IQCM: variants seen among roughly 807,000 people sequenced by gnomAD.
The protein encoded by IQCM is IQ domain-containing protein M.
Under a neutral mutation model 57.6 loss-of-function variants are expected in IQCM, and 45 were observed. The ratio of observed to expected loss-of-function variants is 0.78; its 90% CI spans 0.62 to 1.00. The LOEUF is 1.00. Among genes scored for constraint, IQCM ranks in the 50% least tolerant of loss-of-function variants. The pLI, the probability that IQCM is intolerant of heterozygous loss-of-function variation, is 0.00. For missense variants in IQCM, 468 were observed against 511.6 expected, an observed-to-expected ratio of 0.91 and a Z score of 0.82; for synonymous variants, 148 against 158.9, an observed-to-expected ratio of 0.93 and a Z score of 0.51.
In IQCM at chr4:149,686,465, T is replaced by C; in HGVS notation, c.389A>G (p.Gln130Arg). 1 of 1,217,584 alleles carries C rather than the reference T, an allele frequency of 8.2e-7. No individual in the cohort carries two copies. The allele number at this position is 1,217,584 out of a possible 1,614,324, so 75.4% of individuals were successfully genotyped here. A position where few individuals can be genotyped will look rare whatever the true frequency, so the allele number is the denominator to read the frequency against. The change falls in exon 6 of 14, where the codon CAA becomes CGA. Residue 130 changes from glutamine to arginine, a missense_variant. Gln to Arg is a conservative substitution (Grantham distance 43). Coordinates refer to ENST00000636793, the MANE Select transcript of IQCM (RefSeq NM_001363507.2). Reference sequence around the variant, plus strand: ...AGTCATGATTTTATCCAATTTAACTTGTCCTGAAATTTTGTTAAAGTTTTA... The same window carrying C: ...AGTCATGATTTTATCCAATTTAACTCGTCCTGAAATTTTGTTAAAGTTTTA... ...CRPIDLITKG[Q>R]VKLDKIMTII...
intron 13 of IQCM, among the ~76,000 whole-genome samples, chr4:149,408,244 T>C (rs1733120827): frequency 6.6e-6 from 1 of 152,146 alleles, no homozygotes; most frequent in Non-Finnish European, 1.5e-5. Flanking sequence ...TATTGTGACA[T>C]ATGGAGTAAT....
At chr4:149,484,996 T>C in intron 12 of IQCM, among the ~76,000 whole-genome samples, 1 of 152,054 alleles carries the variant, frequency 6.6e-6, no homozygotes, top group Non-Finnish European at 1.5e-5. Context: ...TTGTTTCTGT[T>C]TTTCTTTCTA....
chr4:149,404,228 A>C (rs1732821332), intron 13 of IQCM, among the ~76,000 whole-genome samples: 2 of 152,056 alleles, frequency 1.3e-5, no homozygotes, highest in African/African-American at 2.4e-5. Context: ...CTGAGTAGAT[A>C]GAGGCAACCC....
intron 12 of IQCM, among the ~76,000 whole-genome samples, chr4:149,517,184 G>A (rs1429388484): frequency 6.6e-6 from 1 of 150,934 alleles, no homozygotes. Flanking sequence ...ATACAGAATG[G>A]GTAGTAGAAG....
intron 7 of IQCM, among the ~76,000 whole-genome samples, chr4:149,642,664 C>T (rs922776371): frequency 6.6e-6 from 1 of 152,044 alleles, no homozygotes; most frequent in South Asian, 2.1e-4. Flanking sequence ...GTTTAAAGTA[C>T]GTTTTAGAAC....
At chr4:149,429,979 C>A in intron 13 of IQCM, 1 of 1,225,360 alleles carries the variant, frequency 8.2e-7, no homozygotes, top group Non-Finnish European at 1.0e-6. Context: ...AGACTCTAAA[C>A]AACAAACACA....
At chr4:149,437,887 C>A (rs1289819031) in intron 12 of IQCM, among the ~76,000 whole-genome samples, 1 of 152,066 alleles carries the variant, frequency 6.6e-6, no homozygotes, top group Non-Finnish European at 1.5e-5. Context: ...TTACATTGAA[C>A]CCTGGAGATT....
chr4:149,501,167 C>T (rs1743204084), intron 12 of IQCM, among the ~76,000 whole-genome samples: 2 of 152,160 alleles, frequency 1.3e-5, no homozygotes, highest in Admixed American at 6.6e-5. Context: ...TCCAACTAAT[C>T]TCAATTTGAC....
In IQCM at chr4:149,540,191, G is replaced by T. The variant is rs1747709831; in HGVS notation, c.1228+8264C>A. On this transcript the variant is annotated intron_variant, in intron 12 of 13. Coordinates refer to ENST00000636793, the MANE Select transcript of IQCM (RefSeq NM_001363507.2). ...ACAGCAACAAAACAAGCCCAGAAAA[G>T]AGGCCTTAAGGGAAACCAAATCAGC... Among the ~76,000 whole-genome samples, 4 of 151,300 alleles carry T rather than the reference G, an allele frequency of 2.6e-5. No individual in the cohort carries two copies. The Admixed American group carries it at 2.6e-4, about 10-fold the overall frequency.
chr4:149,460,884 C>T (rs953934113), intron 12 of IQCM, among the ~76,000 whole-genome samples: 9 of 152,076 alleles, frequency 5.9e-5, no homozygotes, highest in Non-Finnish European at 1.2e-4. Flanking sequence ...TCCCATTGGT[C>T]CCCTTGGCAT....
intron 12 of IQCM, among the ~76,000 whole-genome samples, chr4:149,447,292 A>G (rs1736618340): frequency 6.6e-6 from 1 of 151,646 alleles, no homozygotes; most frequent in Non-Finnish European, 1.5e-5. Context: ...AATAAAAATT[A>G]CCAGACATGC....
chr4:149,538,027 T>G (rs1384120242), intron 12 of IQCM, among the ~76,000 whole-genome samples: 9 of 151,370 alleles, frequency 5.9e-5, no homozygotes, highest in South Asian at 2.1e-4. Flanking sequence ...TTTATATATA[T>G]ATGAATATAT....
intron 12 of IQCM, among the ~76,000 whole-genome samples, chr4:149,485,897 G>A (rs1002564876): frequency 6.6e-6 from 1 of 152,150 alleles, no homozygotes; most frequent in Non-Finnish European, 1.5e-5. Flanking sequence ...ATAATGCTGT[G>A]ATTTTTGCAT....
At chr4:149,665,239 C>T (rs781531282) in intron 7 of IQCM, among the ~76,000 whole-genome samples, 25 of 152,104 alleles carry the variant, frequency 1.6e-4, no homozygotes, top group Non-Finnish European at 2.5e-4. Context: ...TACCCCAAGA[C>T]AATTCAGCAG....
intron 7 of IQCM, among the ~76,000 whole-genome samples, chr4:149,632,339 T>C (rs770264325): frequency 1.3e-5 from 2 of 152,230 alleles, no homozygotes; most frequent in Admixed American, 6.5e-5. Flanking sequence ...ACAAAACGTA[T>C]GGTCATAAAT....
chr4:149,449,006 C>CTAA (rs1736800371), intron 12 of IQCM, among the ~76,000 whole-genome samples: 1 of 151,334 alleles, frequency 6.6e-6, no homozygotes, highest in Non-Finnish European at 1.5e-5. Flanking sequence ...AAAAACAAGG[C>CTAA]AAATATATTC....
rs182821155 is a variant in IQCM at position 149,603,323 on chromosome 4, A to G, written c.682-15326T>C. Among the ~76,000 whole-genome samples the G allele has an allele frequency of 2.1e-3, 326 of 152,310 alleles. 2 individuals are homozygous for G. The highest frequency in any genetic ancestry group is 6.8e-3 in the Middle Eastern group (2 of 294). On this transcript the variant is annotated intron_variant, in intron 8 of 13. Transcript: ENST00000636793. ...AGGCAAAGGTTAAAAGTTATCTTAC[A>G]TGTTTGGTTCAAGAGTAAAACTGGA...
intron 12 of IQCM, among the ~76,000 whole-genome samples, chr4:149,512,736 C>G (rs1165494360): frequency 1.3e-5 from 2 of 152,086 alleles, no homozygotes; most frequent in Non-Finnish European, 2.9e-5. Context: ...TGCTATTTCT[C>G]ATAAATATGT....
At chr4:149,659,025 G>A (rs1028616058) in intron 7 of IQCM, among the ~76,000 whole-genome samples, 1 of 151,590 alleles carries the variant, frequency 6.6e-6, no homozygotes, top group Non-Finnish European at 1.5e-5. Flanking sequence ...AAAAGAAGTG[G>A]TTAAAAAAAA....
Sources: gnomAD v4.1 joint callset for allele counts (sites outside exome capture counted in the v4.1 genomes callset) on GRCh38, gnomAD v4.1.1 for gene constraint, MANE v1.5 for transcripts, NCBI Gene and HGNC (gene_info 2026-07-23, HGNC 2026-07-21) for gene names.